Variants in PPP4R3B observed in about 807,000 individuals in gnomAD.
PPP4R3B encodes the protein serine/threonine-protein phosphatase 4 regulatory subunit 3B.
In PPP4R3B, 52 loss-of-function variants were observed where a neutral mutation model predicts 95.4. The observed-to-expected ratio is 0.54, with a 90% CI of 0.44 to 0.69. PPP4R3B has a LOEUF of 0.69. PPP4R3B is among the 30% of genes least tolerant of loss of function. PPP4R3B has a pLI of 0.00. For synonymous variants in PPP4R3B, 407 were observed against 343.9 expected (o/e 1.18, Z -2.03); for missense variants, 1,003 against 1,005.9 (o/e 1.00, Z 0.04).
At chr2:55,607,945 G>C (rs934912337) in intron 2 of PPP4R3B, among the ~76,000 whole-genome samples, 7 of 152,158 alleles carry the variant, frequency 4.6e-5, no homozygotes, top group Non-Finnish European at 7.3e-5. Context: ...GAAAGAGAAG[G>C]TCCAGGTAAA....
intron 11 of PPP4R3B, among the ~76,000 whole-genome samples, chr2:55,576,923 T>C (rs959781473): frequency 1.3e-5 from 2 of 152,158 alleles, no homozygotes; most frequent in African/African-American, 4.8e-5. Context: ...ATCAAGCCCA[T>C]ACCTACTATG....
At chr2:55,613,824 AAT>A (rs1694528928) in intron 2 of PPP4R3B, among the ~76,000 whole-genome samples, 4 of 151,302 alleles carry the variant, frequency 2.6e-5, no homozygotes, top group African/African-American at 7.3e-5. Flanking sequence ...AAAAAAAAAA[AAT>A]TAGTATTTCT....
At position 55,586,522 on chromosome 2, in the gene PPP4R3B, G is replaced by T. The variant is rs1690172419; in HGVS notation, c.1116+96C>A. On this transcript the variant is annotated intron_variant, in intron 6 of 16. Coordinates refer to ENST00000616407, the MANE Select transcript of PPP4R3B (RefSeq NM_001122964.3). ...ATTCAATTAAGATAGCTAAACTATA[G>T]AATTGAATATACATTATTATATATT... 7 of 646,922 alleles carry T rather than the reference G, an allele frequency of 1.1e-5. 1 individual carries two copies. In the Admixed American group the frequency reaches 1.6e-4, roughly 15 times the overall value. The allele number at this position is 646,922 out of a possible 1,614,324, so 40.1% of individuals were successfully genotyped here.
intron 12 of PPP4R3B, among the ~76,000 whole-genome samples, chr2:55,572,928 A>T (rs1170638201): frequency 6.6e-6 from 1 of 152,198 alleles, no homozygotes; most frequent in East Asian, 1.9e-4. Context: ...GAGTAGTATT[A>T]GTGGGCTGAG....
intron 4 of PPP4R3B, among the ~76,000 whole-genome samples, chr2:55,597,358 C>G (rs1467772840): frequency 6.6e-6 from 1 of 151,944 alleles, no homozygotes; most frequent in East Asian, 1.9e-4. Context: ...CGGGGTGGCT[C>G]ACGCCTGTAA....
At chr2:55,577,903 A>G (rs1688905218) in intron 10 of PPP4R3B, among the ~76,000 whole-genome samples, 1 of 152,150 alleles carries the variant, frequency 6.6e-6, no homozygotes, top group African/African-American at 2.4e-5. Flanking sequence ...ACATGTGCAC[A>G]GGGAAACACA....
intron 1 of PPP4R3B, 53 bp downstream of exon 1, chr2:55,617,091 C>T: frequency 6.5e-7 from 1 of 1,537,966 alleles, no homozygotes; most frequent in South Asian, 1.2e-5. Context: ...TAAACCCAAG[C>T]TGTGCCCCAA....
At chr2:55,606,908 A>G (rs1301589940) in intron 2 of PPP4R3B, among the ~76,000 whole-genome samples, 1 of 151,906 alleles carries the variant, frequency 6.6e-6, no homozygotes, top group East Asian at 1.9e-4. Flanking sequence ...CAGATCTATT[A>G]CATCATTGTT....
At chr2:55,568,983 T>A (rs1687640535) in intron 12 of PPP4R3B, among the ~76,000 whole-genome samples, 1 of 152,238 alleles carries the variant, frequency 6.6e-6, no homozygotes, top group South Asian at 2.1e-4. Flanking sequence ...ATAAAATATA[T>A]AAAATAAGAA....
chr2:55,614,230 C>G (rs560205868), intron 2 of PPP4R3B: 6 of 152,252 alleles, frequency 3.9e-5, no homozygotes, highest in African/African-American at 1.4e-4. Context: ...TTCTGGGCAT[C>G]CAAATTTTCA....
chr2:55,551,251 G>A (rs974233791), intron 16 of PPP4R3B, among the ~76,000 whole-genome samples: 6 of 152,118 alleles, frequency 3.9e-5, no homozygotes, highest in Admixed American at 3.9e-4. Flanking sequence ...CTACTCGGGA[G>A]GCTGAGGGAC....
intron 2 of PPP4R3B, among the ~76,000 whole-genome samples, chr2:55,610,019 CCA>C (rs1315118758): frequency 6.6e-6 from 1 of 152,110 alleles, no homozygotes; most frequent in Non-Finnish European, 1.5e-5. Context: ...AAGCCTCAAA[CCA>C]AAAGATTAAT....
intron 2 of PPP4R3B, among the ~76,000 whole-genome samples, chr2:55,605,904 CAAAAAAAAAAA>C (rs35675375): frequency 5.8e-5 from 5 of 86,438 alleles, no homozygotes; most frequent in Non-Finnish European, 1.3e-4. Flanking sequence ...GACTCCGTCT[CAAAAAAAAAAA>C]AAAAAAAAAG....
At chr2:55,591,630 G>A (rs964832751) in intron 4 of PPP4R3B, 2 of 984,390 alleles carry the variant, frequency 2.0e-6, no homozygotes, top group Non-Finnish European at 2.4e-6. Flanking sequence ...CCAACTCCTT[G>A]ATAAATGCAA....
chr2:55,565,713 G>A (rs1687204828), intron 13 of PPP4R3B: 1 of 211,914 alleles, frequency 4.7e-6, no homozygotes, highest in Non-Finnish European at 1.0e-5. Context: ...GGTTGTGGTG[G>A]TTTTCTTTCT....
At chr2:55,591,339 C>T (rs1244874781) in intron 4 of PPP4R3B, among the ~76,000 whole-genome samples, 1 of 151,268 alleles carries the variant, frequency 6.6e-6, no homozygotes, top group Non-Finnish European at 1.5e-5. Flanking sequence ...GGGGGGGTTT[C>T]ACTTTGTTGC....
At chr2:55,615,536 T>A (rs556136784) in intron 1 of PPP4R3B, 30 bp from the exon 2 acceptor site, 2 of 1,449,238 alleles carry the variant, frequency 1.4e-6, no homozygotes, top group South Asian at 1.2e-5. Flanking sequence ...ACATCATAAG[T>A]CTCAAATGAT....
chr2:55,549,625 C>T lies in PPP4R3B; in HGVS notation c.*286G>A. On this transcript the variant is annotated 3_prime_UTR_variant, in exon 17 of 17. Coordinates refer to ENST00000616407, the MANE Select transcript of PPP4R3B (RefSeq NM_001122964.3). ...CCTTTTCCCCTCCCCTAAACCGTCCCCAAACCTGTGACTTTTCCTTGCTGA... is the reference window on the plus strand; with the variant it reads ...CCTTTTCCCCTCCCCTAAACCGTCCTCAAACCTGTGACTTTTCCTTGCTGA... 1 of 373,440 alleles carries T rather than the reference C, an allele frequency of 2.7e-6. No individual in the cohort carries two copies. 23.1% of individuals were successfully genotyped at this position (373,440 alleles called of 1,614,324 possible).
At chr2:55,583,201 GC>G (rs1334573060) in intron 7 of PPP4R3B, among the ~76,000 whole-genome samples, 1 of 152,010 alleles carries the variant, frequency 6.6e-6, no homozygotes, top group Non-Finnish European at 1.5e-5. Context: ...GTCACCACCA[GC>G]CCAGTATGGA....
Sources: gnomAD v4.1 joint callset for allele counts (sites outside exome capture counted in the v4.1 genomes callset) on GRCh38, gnomAD v4.1.1 for gene constraint, MANE v1.5 for transcripts, NCBI Gene and HGNC (gene_info 2026-07-23, HGNC 2026-07-21) for gene names.